Variants in SHLD1 observed in about 807,000 individuals in gnomAD.
The protein encoded by SHLD1 is RINN1-REV7-interacting novel NHEJ regulator 3.
SHLD1 carries 3 observed loss-of-function variants against 5.5 expected under a neutral mutation model. The ratio of observed to expected loss-of-function variants is 0.54; its 90% CI spans 0.25 to 1.40. The LOEUF is 1.40. Ranked by LOEUF, SHLD1 falls within the 40% of genes most tolerant of loss-of-function variation. The pLI, the probability that SHLD1 is intolerant of heterozygous loss-of-function variation, is 0.15. For synonymous variants in SHLD1, 92 were observed against 94.3 expected (o/e 0.98, Z 0.14); for missense variants, 210 against 244.4 (o/e 0.86, Z 0.94).
At chr20:5,754,793 C>T (rs775210476) in intron 1 of SHLD1, among the ~76,000 whole-genome samples, 2 of 151,974 alleles carry the variant, frequency 1.3e-5, no homozygotes, top group Non-Finnish European at 2.9e-5. Flanking sequence ...TGGTGGCTCA[C>T]GCCTGTAATG....
At chr20:5,756,825 C>A in intron 1 of SHLD1, 1 of 264,312 alleles carries the variant, frequency 3.8e-6, no homozygotes, top group Admixed American at 5.3e-5. Flanking sequence ...TAAGCCACCA[C>A]ATCTGGCCTA....
At chr20:5,761,647 G>A (rs942483302) in intron 1 of SHLD1, among the ~76,000 whole-genome samples, 21 of 143,518 alleles carry the variant, frequency 1.5e-4, no homozygotes, top group East Asian at 8.2e-4. Flanking sequence ...TCACTTTGTC[G>A]CCCAGGCTGG....
At chr20:5,825,208 G>C (rs1459279938) in intron 2 of SHLD1, among the ~76,000 whole-genome samples, 2 of 152,182 alleles carry the variant, frequency 1.3e-5, no homozygotes, top group Non-Finnish European at 2.9e-5. Context: ...CTTCAGAAAT[G>C]GACCATTCTG....
At chr20:5,803,390 A>G (rs925717911) in intron 2 of SHLD1, among the ~76,000 whole-genome samples, 35 of 152,178 alleles carry the variant, frequency 2.3e-4, no homozygotes, top group African/African-American at 7.9e-4. Context: ...GCTGGTCTTG[A>G]ACTCCTGGCC....
intron 1 of SHLD1, among the ~76,000 whole-genome samples, chr20:5,755,462 C>T (rs937231494): frequency 5.3e-5 from 8 of 152,342 alleles, no homozygotes; most frequent in Non-Finnish European, 7.3e-5. Context: ...ACCGTCCCCC[C>T]ACCCCCAGTC....
intron 1 of SHLD1, among the ~76,000 whole-genome samples, chr20:5,758,361 G>T (rs62203871): frequency 2.6e-5 from 3 of 116,058 alleles, no homozygotes; most frequent in Non-Finnish European, 5.4e-5. Flanking sequence ...GGGAAGGAGA[G>T]GGGGAGGGGA....
chr20:5,778,615 A>T (rs544747982), intron 2 of SHLD1, among the ~76,000 whole-genome samples: 1 of 151,916 alleles, frequency 6.6e-6, no homozygotes, highest in Non-Finnish European at 1.5e-5. Context: ...AAAAAAAAAA[A>T]AAAAAATAAG....
intron 2 of SHLD1, among the ~76,000 whole-genome samples, chr20:5,801,486 A>G (rs761619976): frequency 1.3e-5 from 2 of 152,224 alleles, no homozygotes; most frequent in East Asian, 1.9e-4. Context: ...AGAATCAAGT[A>G]TCCTACTCAC....
At chr20:5,853,738 T>C (rs1348043164) in intron 2 of SHLD1, among the ~76,000 whole-genome samples, 3 of 152,136 alleles carry the variant, frequency 2.0e-5, no homozygotes, top group Non-Finnish European at 2.9e-5. Context: ...CCCTAGACTA[T>C]GTCCCCTGCC....
At chr20:5,812,901 G>C (rs1383419359) in intron 2 of SHLD1, among the ~76,000 whole-genome samples, 1 of 151,868 alleles carries the variant, frequency 6.6e-6, no homozygotes. Context: ...TTGAGACGGG[G>C]TCTCACTCTG....
chr20:5,762,971 C>CAAAAA (rs561487362), intron 1 of SHLD1, among the ~76,000 whole-genome samples: 3 of 102,724 alleles, frequency 2.9e-5, no homozygotes, highest in African/African-American at 7.8e-5. Context: ...GACTCCGTCT[C>CAAAAA]AAAAAAAAAA....
At chr20:5,843,966 G>C (rs946712667) in intron 2 of SHLD1, among the ~76,000 whole-genome samples, 1 of 152,162 alleles carries the variant, frequency 6.6e-6, no homozygotes, top group Non-Finnish European at 1.5e-5. Context: ...CTTGTCTTCT[G>C]TCTATATTCC....
intron 2 of SHLD1, among the ~76,000 whole-genome samples, chr20:5,845,239 T>C (rs2087919298): frequency 6.6e-6 from 1 of 152,278 alleles, no homozygotes; most frequent in Admixed American, 6.5e-5. Flanking sequence ...CTTTTATTTA[T>C]TGAGCACTTA....
At chr20:5,776,892 G>A (rs1004538678) in intron 2 of SHLD1, among the ~76,000 whole-genome samples, 2 of 152,068 alleles carry the variant, frequency 1.3e-5, no homozygotes, top group African/African-American at 4.8e-5. Flanking sequence ...AGTGTTTTAG[G>A]GCACATTAAT....
chr20:5,853,355 A>G (rs1470333453), intron 2 of SHLD1, among the ~76,000 whole-genome samples: 1 of 152,200 alleles, frequency 6.6e-6, no homozygotes, highest in Admixed American at 6.5e-5. Flanking sequence ...CTGAGGCAGG[A>G]GAATCGCTTG....
intron 2 of SHLD1, 101 bp from the exon 3 acceptor site, chr20:5,862,923 A>T: frequency 2.0e-6 from 2 of 1,025,628 alleles, no homozygotes; most frequent in Non-Finnish European, 2.8e-6. Context: ...ACTCAGGAAC[A>T]GTAAGCATGT....
intron 1 of SHLD1, among the ~76,000 whole-genome samples, chr20:5,765,864 C>T (rs1188884282): frequency 1.3e-5 from 2 of 148,520 alleles, no homozygotes; most frequent in Non-Finnish European, 3.0e-5. Context: ...CGTGATCCAC[C>T]CATCTCGGGG....
chr20:5,782,923 G>A (rs1404555250), intron 2 of SHLD1, among the ~76,000 whole-genome samples: 1 of 152,124 alleles, frequency 6.6e-6, no homozygotes, highest in Non-Finnish European at 1.5e-5. Flanking sequence ...TTTAAAATAG[G>A]AGTCAGGGTA....
chr20:5,768,476 G>A (rs1238302585), intron 1 of SHLD1, among the ~76,000 whole-genome samples: 2 of 152,190 alleles, frequency 1.3e-5, no homozygotes, highest in Non-Finnish European at 2.9e-5. Context: ...CTGTGTTTGG[G>A]TCACTCCAAA....
Sources: allele counts gnomAD v4.1 joint callset (sites outside exome capture counted in the v4.1 genomes callset), GRCh38; gene constraint gnomAD v4.1.1; transcripts MANE v1.5; gene names NCBI Gene and HGNC (gene_info 2026-07-23, HGNC 2026-07-21).